The following ZBTB47 variants were observed in gnomAD, a reference collection of about 807,000 sequenced individuals.
ZBTB47 encodes zinc finger and BTB domain-containing protein 47.
ZBTB47 carries 24 observed loss-of-function variants against 56.6 expected under a neutral mutation model. The observed-to-expected ratio is 0.42, with a 90% CI of 0.31 to 0.60. The LOEUF (loss-of-function observed/expected upper bound fraction) is 0.60, where lower values mean the gene tolerates loss of function less well. ZBTB47 is among the 20% of genes least tolerant of loss of function. ZBTB47 has a pLI of 0.14. For missense variants in ZBTB47, 829 were observed against 1,032.6 expected (o/e 0.80, Z 2.70); for synonymous variants, 414 against 418.9 (o/e 0.99, Z 0.14).
In ZBTB47 at chr3:42,664,638, C is replaced by T; in HGVS notation, c.*40C>T. 2.9e-6 allele frequency: 4 copies of T among 1,389,606 alleles called. No homozygotes were observed. The highest frequency in any genetic ancestry group is 1.5e-5 in the African/African-American group (1 of 65,178). The allele number at this position is 1,389,606 out of a possible 1,614,324, so 86.1% of individuals were successfully genotyped here. On this transcript the variant is annotated 3_prime_UTR_variant, in exon 6 of 6. Coordinates refer to ENST00000232974, the MANE Select transcript of ZBTB47 (RefSeq NM_145166.4). ...CCGTGCACCCGCTGGGGCCTGGAGT[C>T]AGGGCCCACTCCAGGAGGGACCCAC...
chr3:42,659,284 G>A lies in ZBTB47; in HGVS notation c.929G>A (p.Ser310Asn), dbSNP rs1278995039. Residue 310 changes from serine (S) to asparagine (N), a missense_variant, in exon 2 of 6, where the codon AGT (serine) becomes AAT (asparagine). By Grantham distance (46) the Ser-to-Asn change is conservative. This residue lies in a region of ZBTB47 where 359 missense variants were observed against 359.8 expected (regional missense o/e 1.00). Transcript: ENST00000232974. ...REEEEEEEGG[S>N]QGEEEEEEED... ...GAGGAGGAGGAGGAAGAGGGTGGCA[G>A]TCAGGGAGAAGAGGAAGAAGAGGAG... is the stretch of plus-strand genomic sequence containing the variant. The A allele has an allele frequency of 1.3e-6, 2 of 1,504,884 alleles. No individual in the cohort carries two copies. The highest frequency in any genetic ancestry group is 2.4e-5 in the South Asian group (2 of 82,860). 93.2% of individuals were successfully genotyped at this position (1,504,884 alleles called of 1,614,324 possible).
At position 42,665,926 on chromosome 3, in the gene ZBTB47, C is replaced by T. The variant is rs1471273393; in HGVS notation, c.*1328C>T. 6.6e-6 allele frequency: 1 copy of T among 152,372 alleles called. No homozygotes were observed. Among genetic ancestry groups the T allele is most frequent in the Non-Finnish European group, 1.5e-5 (1 of 68,052 alleles). The allele number at this position is 152,372 out of a possible 1,614,324, so 9.4% of individuals were successfully genotyped here. On this transcript the variant is annotated 3_prime_UTR_variant, in exon 6 of 6. Coordinates refer to ENST00000232974, the MANE Select transcript of ZBTB47 (RefSeq NM_145166.4). ...AAGCTACATGTTTCCTAGTTAAGCTCTTTCCTATTGTGTTTATACAGTTTT... is the reference window on the plus strand; with the variant it reads ...AAGCTACATGTTTCCTAGTTAAGCTTTTTCCTATTGTGTTTATACAGTTTT...
Position 42,659,471 on chromosome 3 carries a change from TC to T in ZBTB47, c.1120del (p.His374ThrfsTer55). The T allele has an allele frequency of 6.6e-7, 1 of 1,517,684 alleles. No homozygotes were observed. The highest frequency in any genetic ancestry group is 8.8e-7 in the Non-Finnish European group (1 of 1,138,256). 94.0% of individuals were successfully genotyped at this position (1,517,684 alleles called of 1,614,324 possible). A position where few individuals can be genotyped will look rare whatever the true frequency, so the allele number is the denominator to read the frequency against. ...GCCGAAGCAGCCGGGCAGACCCCCC[TC>T]CCCACAGTCACATGGCCACACGGTC... ...GSRSSRADPP[P>X]HSHMATRSRE... On this transcript the variant is annotated frameshift_variant, in exon 2 of 6. Coordinates refer to ENST00000232974, the MANE Select transcript of ZBTB47 (RefSeq NM_145166.4). LOFTEE classifies it high-confidence loss of function.
rs535453254 is a variant in ZBTB47 at position 42,666,495 on chromosome 3, A to C, written c.*1897A>C. On this transcript the variant is annotated 3_prime_UTR_variant, in exon 6 of 6. Transcript: ENST00000232974. The stretch of plus-strand genomic sequence containing the variant: ...CTCCCTGTTGCTATTTTTAATCTCT[A>C]GTCCCAGTGCCTGGCAGCTCTTTGG... Among the ~76,000 whole-genome samples, 1 of 152,204 alleles carries C rather than the reference A, an allele frequency of 6.6e-6. No homozygotes were observed. Among genetic ancestry groups the C allele is most frequent in the East Asian group, 1.9e-4 (1 of 5,164 alleles).
In ZBTB47 at chr3:42,659,239, G is replaced by T; in HGVS notation, c.884G>T (p.Gly295Val). The T allele has an allele frequency of 6.5e-7, 1 of 1,529,912 alleles. No individual in the cohort carries two copies. Among genetic ancestry groups the T allele is most frequent in the Non-Finnish European group, 8.7e-7 (1 of 1,142,916 alleles). The allele number at this position is 1,529,912 out of a possible 1,614,324, so 94.8% of individuals were successfully genotyped here. Reference protein sequence around the residue: ...EEEEEEEEEEGGGSGREEEEE... With the variant: ...EEEEEEEEEEVGGSGREEEEE... ...GAGGAGGAAGAAGAGGAAGAGGAAGGTGGTGGCAGTGGACGGGAGGAGGAG... is the reference window on the plus strand; with the variant it reads ...GAGGAGGAAGAAGAGGAAGAGGAAGTTGGTGGCAGTGGACGGGAGGAGGAG... Residue 295 changes from glycine to valine, a missense_variant, in exon 2 of 6, where the codon GGT becomes GTT. By Grantham distance (109) the Gly-to-Val change is moderately radical. This residue lies in a region of ZBTB47 where 359 missense variants were observed against 359.8 expected (regional missense o/e 1.00). Coordinates refer to ENST00000232974, the MANE Select transcript of ZBTB47 (RefSeq NM_145166.4).
At position 42,654,681 on chromosome 3, in the gene ZBTB47, C is replaced by G; in HGVS notation, c.-82+798C>G. The stretch of plus-strand genomic sequence containing the variant: ...CCCGCGGGGCCCTGTGAGCCCCCAG[C>G]GCCACGGCACCATGGTACGCAGGGC... On this transcript the variant is annotated intron_variant, in intron 1 of 5. Transcript: ENST00000232974. This position sits in a 1 kb window ranked among gnomAD's most constrained non-coding sequence, Gnocchi z 5.0. 2.0e-6 allele frequency: 2 copies of G among 984,898 alleles called. No individual in the cohort carries two copies. The highest frequency in any genetic ancestry group is 4.7e-5 in the South Asian group (1 of 21,290). The allele number at this position is 984,898 out of a possible 1,614,324, so 61.0% of individuals were successfully genotyped here.
chr3:42,666,814 G>C lies in ZBTB47; in HGVS notation c.*2216G>C, dbSNP rs999529689. On this transcript the variant is annotated 3_prime_UTR_variant, in exon 6 of 6. Coordinates refer to ENST00000232974, the MANE Select transcript of ZBTB47 (RefSeq NM_145166.4). ...TTGTACACTTCCCCTCTGGGATCAG[G>C]TGAGGGGTCCAGACAGCTGACCAGA... Among the ~76,000 whole-genome samples, 1 of 152,228 alleles carries C rather than the reference G, an allele frequency of 6.6e-6. No homozygotes were observed. Among genetic ancestry groups the C allele is most frequent in the Non-Finnish European group, 1.5e-5 (1 of 68,038 alleles).
At position 42,658,601 on chromosome 3, in the gene ZBTB47, C is replaced by T. The variant is rs532702617; in HGVS notation, c.246C>T (p.Asn82=). ...TCTATACGTCCAAGCTGCTGGTCAACGCGGCCAACGTCCACGAGGTGCTCA... is the reference window on the plus strand; with the variant it reads ...TCTATACGTCCAAGCTGCTGGTCAATGCGGCCAACGTCCACGAGGTGCTCA... ...NFIYTSKLLV[N]AANVHEVLSA... The change falls in exon 2 of 6, where the codon AAC becomes AAT. Residue 82 remains asparagine, a synonymous_variant. Transcript: ENST00000232974. 162 of 1,537,054 alleles carry T rather than the reference C, an allele frequency of 1.1e-4. 1 individual carries two copies. The South Asian group carries it at 1.7e-3, about 16-fold the overall frequency.
In ZBTB47 at chr3:42,663,855, T is replaced by G; in HGVS notation, c.1796T>G (p.Ile599Ser). 1 of 1,613,330 alleles carries G rather than the reference T, an allele frequency of 6.2e-7. No homozygotes were observed. The highest frequency in any genetic ancestry group is 8.5e-7 in the Non-Finnish European group (1 of 1,179,702). The change falls in exon 5 of 6, where the codon ATT becomes AGT. Residue 599 changes from isoleucine to serine, a missense_variant. Ile to Ser is a moderately radical substitution (Grantham distance 142). Around this residue, in one of 6 missense-constraint regions of ZBTB47, gnomAD observed 187 missense variants for 253.1 expected, o/e 0.74. Coordinates refer to ENST00000232974, the MANE Select transcript of ZBTB47 (RefSeq NM_145166.4). The surrounding 1 kb of genome is among the most constrained non-coding windows in gnomAD (Gnocchi z 5.1). ...YQLRSHMSIH[I>S]GHKQFMCQWC... ...CTGCGGTCACACATGAGCATCCACATTGGCCACAAGCAGTTCATGTGCCAA... is the reference window on the plus strand; with the variant it reads ...CTGCGGTCACACATGAGCATCCACAGTGGCCACAAGCAGTTCATGTGCCAA...
chr3:42,654,775 C>G lies in ZBTB47; in HGVS notation c.-82+892C>G. ...CTCCCAGGCACACGGCCCGCGGGCC[C>G]GGGTGGAGGGGCTGGAGGGATCTTC... On this transcript the variant is annotated intron_variant, in intron 1 of 5. Transcript: ENST00000232974. The surrounding 1 kb of genome is among the most constrained non-coding windows in gnomAD (Gnocchi z 5.0). 2 of 931,246 alleles carry G rather than the reference C, an allele frequency of 2.1e-6. No individual in the cohort carries two copies. Among genetic ancestry groups the G allele is most frequent in the Non-Finnish European group, 2.6e-6 (2 of 780,590 alleles). 57.7% of individuals were successfully genotyped at this position (931,246 alleles called of 1,614,324 possible). A position where few individuals can be genotyped will look rare whatever the true frequency, so the allele number is the denominator to read the frequency against.
At chr3:42,655,637 T>G (rs904596966) in intron 1 of ZBTB47, among the ~76,000 whole-genome samples, 4 of 152,326 alleles carry the variant, frequency 2.6e-5, no homozygotes, top group African/African-American at 9.6e-5. Flanking sequence ...CACGCATTGC[T>G]TCCGGGAACC....
Position 42,667,293 on chromosome 3 carries a change from C to T in ZBTB47, c.*2695C>T, listed in dbSNP as rs113773465. On this transcript the variant is annotated 3_prime_UTR_variant, in exon 6 of 6. Transcript: ENST00000232974. ...CTGGAGTCTGGGTCTGCCCCCTCCC[C>T]GGCTCCTTGGGGCTCTCTGGTCTCA... 6.7e-3 allele frequency among the ~76,000 whole-genome samples: 1,013 copies of T among 152,298 alleles called. 10 individuals are homozygous for T. The highest frequency in any genetic ancestry group is 0.022 in the African/African-American group (925 of 41,574).
chr3:42,664,383 G>A lies in ZBTB47; in HGVS notation c.2029G>A (p.Ala677Thr). The A allele has an allele frequency of 6.2e-7, 1 of 1,605,448 alleles. No homozygotes were observed. The highest frequency in any genetic ancestry group is 1.1e-5 in the South Asian group (1 of 89,880). ...CTTCCGCTTCTCCAACATGCTCAAG[G>A]CCCACAAGGAGAAGTGCTTCCGCGT... ...QRFRFSNMLK[A>T]HKEKCFRVSH... is the part of the protein sequence containing the mutation. The change falls in exon 6 of 6, where the codon GCC becomes ACC. Residue 677 changes from alanine (A) to threonine (T), a missense_variant. Physicochemically the swap from Ala to Thr is moderately conservative, Grantham distance 58. Around this residue, in one of 6 missense-constraint regions of ZBTB47, gnomAD observed 115 missense variants for 117.2 expected, o/e 0.98. Transcript: ENST00000232974.
Position 42,663,855 on chromosome 3 carries a change from T to C in ZBTB47, c.1796T>C (p.Ile599Thr), listed in dbSNP as rs373669058. The part of the protein sequence containing the change: ...YQLRSHMSIH[I>T]GHKQFMCQWC... The stretch of plus-strand genomic sequence containing the variant: ...CTGCGGTCACACATGAGCATCCACA[T>C]TGGCCACAAGCAGTTCATGTGCCAA... Residue 599 changes from isoleucine to threonine, a missense_variant, in exon 5 of 6, where the codon ATT (isoleucine) becomes ACT (threonine). By Grantham distance (89) the Ile-to-Thr change is moderately conservative. Around this residue, in one of 6 missense-constraint regions of ZBTB47, gnomAD observed 187 missense variants for 253.1 expected, o/e 0.74. Coordinates refer to ENST00000232974, the MANE Select transcript of ZBTB47 (RefSeq NM_145166.4). The surrounding 1 kb of genome is among the most constrained non-coding windows in gnomAD (Gnocchi z 5.1). The C allele has an allele frequency of 1.4e-5, 23 of 1,613,212 alleles. No individual in the cohort carries two copies. Among genetic ancestry groups the C allele is most frequent in the Non-Finnish European group, 1.9e-5 (22 of 1,179,710 alleles).
chr3:42,658,137 C>T (rs985621093), intron 1 of ZBTB47, 138 bp from the exon 2 acceptor site: 5 of 915,194 alleles, frequency 5.5e-6, no homozygotes, highest in Non-Finnish European at 6.3e-6. Context: ...TTGCTAGTTT[C>T]GGCTCTGTTG....
Position 42,666,463 on chromosome 3 carries a change from TCCC to T in ZBTB47, c.*1870_*1872del, listed in dbSNP as rs369632721. Among the ~76,000 whole-genome samples the T allele has an allele frequency of 1.2e-3, 182 of 152,106 alleles. 1 individual carries two copies. Among genetic ancestry groups the T allele is most frequent in the African/African-American group, 4.0e-3 (168 of 41,492 alleles). On this transcript the variant is annotated 3_prime_UTR_variant, in exon 6 of 6. Transcript: ENST00000232974. ...TTGGGCTTCCGTGATGTCCTCAGGG[TCCC>T]CCCCTCCCTGTTGCTATTTTTAATC...
intron 3 of ZBTB47, 126 bp from the exon 4 acceptor site, chr3:42,662,886 G>C: frequency 1.5e-6 from 1 of 663,992 alleles, no homozygotes; most frequent in Non-Finnish European, 2.7e-6. Flanking sequence ...TCCTGGGACA[G>C]AGTATAAGGC....
At position 42,658,741 on chromosome 3, in the gene ZBTB47, C is replaced by CCAG; in HGVS notation, c.388_390dup (p.Ser130dup). On this transcript the variant is annotated inframe_insertion, in exon 2 of 6. Coordinates refer to ENST00000232974, the MANE Select transcript of ZBTB47 (RefSeq NM_145166.4). ...ACTGTGGCCCTGGCCCAGCCGGCTG[C>CCAG]CAGCTGCACTCCAGCTGCGCCGCCC... The CCAG allele has an allele frequency of 1.3e-6, 2 of 1,532,190 alleles. No individual in the cohort carries two copies. 94.9% of individuals were successfully genotyped at this position (1,532,190 alleles called of 1,614,324 possible). A position where few individuals can be genotyped will look rare whatever the true frequency, so the allele number is the denominator to read the frequency against.
intron 1 of ZBTB47, among the ~76,000 whole-genome samples, chr3:42,657,365 C>T (rs974144395): frequency 3.9e-5 from 6 of 152,170 alleles, no homozygotes; most frequent in East Asian, 1.9e-4. Flanking sequence ...GGGGGTCTAC[C>T]GGGAAAAGGA....
Sources: allele counts gnomAD v4.1 joint callset (sites outside exome capture counted in the v4.1 genomes callset), GRCh38; gene constraint gnomAD v4.1.1; regional missense constraint gnomAD v4.1.1; non-coding constraint Gnocchi (gnomAD v3.1); transcripts MANE v1.5; gene names NCBI Gene and HGNC (gene_info 2026-07-23, HGNC 2026-07-21).